DIRAS1: variants seen among roughly 807,000 people sequenced by gnomAD.
The protein encoded by DIRAS1 is GTP-binding protein Di-Ras1.
A neutral mutation model predicts 11.5 loss-of-function variants in DIRAS1; 3 were observed. The ratio of observed to expected loss-of-function variants is 0.26; its 90% confidence interval spans 0.12 to 0.67. DIRAS1 has a LOEUF of 0.67. DIRAS1 is among the 30% of genes least tolerant of loss of function. DIRAS1 has a pLI of 0.80. For synonymous variants in DIRAS1, 128 were observed against 125.8 expected, an observed-to-expected ratio of 1.02 and a Z score of -0.12; for missense variants, 212 against 285.3, an observed-to-expected ratio of 0.74 and a Z score of 1.85.
intron 1 of DIRAS1, among the ~76,000 whole-genome samples, chr19:2,719,882 G>T (rs1913914876): frequency 6.6e-6 from 1 of 152,184 alleles, no homozygotes; most frequent in South Asian, 2.1e-4. Flanking sequence ...AGTCACAAGG[G>T]CTTGGGGCCG....
rs764257970 is a variant in DIRAS1 at position 2,717,411 on chromosome 19, C to G, written c.396G>C (p.Thr132=). The G allele has an allele frequency of 6.2e-7, 1 of 1,607,772 alleles. No individual in the cohort carries two copies. Among genetic ancestry groups the G allele is most frequent in the Non-Finnish European group, 8.5e-7 (1 of 1,180,002 alleles). The change falls in exon 2 of 2, where the codon ACG becomes ACC. Residue 132 remains threonine, a synonymous_variant. Coordinates refer to ENST00000323469, the MANE Select transcript of DIRAS1 (RefSeq NM_145173.4). ...CCTGGGCCACCGCCTGCGCCTCGCGCGTGTCCACCTCCCGCTGCGTCTCAT... is the reference window on the plus strand; with the variant it reads ...CCTGGGCCACCGCCTGCGCCTCGCGGGTGTCCACCTCCCGCTGCGTCTCAT... ...KCDETQREVD[T]REAQAVAQEW...
At chr19:2,720,613 A>T (rs1220816804) in intron 1 of DIRAS1, among the ~76,000 whole-genome samples, 1 of 149,898 alleles carries the variant, frequency 6.7e-6, no homozygotes, top group South Asian at 2.3e-4. Context: ...AATCTACCCC[A>T]GCCCTGGGTC....
In DIRAS1 at chr19:2,717,158, G is replaced by T; in HGVS notation, c.*52C>A. 6.6e-7 allele frequency: 1 copy of T among 1,513,408 alleles called. No homozygotes were observed. The highest frequency in any genetic ancestry group is 8.9e-7 in the Non-Finnish European group (1 of 1,126,062). 93.7% of individuals were successfully genotyped at this position (1,513,408 alleles called of 1,614,324 possible). A position where few individuals can be genotyped will look rare whatever the true frequency, so the allele number is the denominator to read the frequency against. On this transcript the variant is annotated 3_prime_UTR_variant, in exon 2 of 2. Transcript: ENST00000323469. Reference sequence around the variant, plus strand: ...GCCGAGGAGGGTGTCGGTGTTGGGGGAGGCAGCGGGGGTCAGTGGGGGTGG... The same window carrying T: ...GCCGAGGAGGGTGTCGGTGTTGGGGTAGGCAGCGGGGGTCAGTGGGGGTGG...
chr19:2,718,602 C>T lies in DIRAS1; in HGVS notation c.-69-727G>A, dbSNP rs554123660. On this transcript the variant is annotated intron_variant, in intron 1 of 1. Coordinates refer to ENST00000323469, the MANE Select transcript of DIRAS1 (RefSeq NM_145173.4). This position sits in a 1 kb window ranked among gnomAD's most constrained non-coding sequence, Gnocchi z 4.2. ...GTGCAATGGCACAATCTTGGCTCGC[C>T]GCAACCTCCACCTCCCGGGTTCAAG... Among the ~76,000 whole-genome samples, 33 of 152,246 alleles carry T rather than the reference C, an allele frequency of 2.2e-4. 1 individual carries two copies. The highest frequency in any genetic ancestry group is 3.4e-3 in the Middle Eastern group (1 of 294).
chr19:2,716,052 C>T lies in DIRAS1; in HGVS notation c.*1158G>A, dbSNP rs925712304. The stretch of plus-strand genomic sequence containing the variant: ...CGCAGATGCACTTAGATACAAGTCA[C>T]CCATCCGCGCACCCCAGGTTGCACA... On this transcript the variant is annotated 3_prime_UTR_variant, in exon 2 of 2. Coordinates refer to ENST00000323469, the MANE Select transcript of DIRAS1 (RefSeq NM_145173.4). 2.0e-5 allele frequency: 3 copies of T among 152,340 alleles called. No homozygotes were observed. Among genetic ancestry groups the T allele is most frequent in the Non-Finnish European group, 4.4e-5 (3 of 68,104 alleles). The allele number at this position is 152,340 out of a possible 1,614,324, so 9.4% of individuals were successfully genotyped here.
In DIRAS1 at chr19:2,715,095, T is replaced by C. The variant is rs1913753304; in HGVS notation, c.*2115A>G. On this transcript the variant is annotated 3_prime_UTR_variant, in exon 2 of 2. Coordinates refer to ENST00000323469, the MANE Select transcript of DIRAS1 (RefSeq NM_145173.4). The stretch of plus-strand genomic sequence containing the variant: ...CTGGATAGCAACACACACGCACGTG[T>C]GCACACTCCCTCTCTCTGAGTGTGT... The C allele has an allele frequency of 6.6e-6, 1 of 152,254 alleles. No individual in the cohort carries two copies. The highest frequency in any genetic ancestry group is 1.5e-5 in the Non-Finnish European group (1 of 68,042). 9.4% of individuals were successfully genotyped at this position (152,254 alleles called of 1,614,324 possible). A position where few individuals can be genotyped will look rare whatever the true frequency, so the allele number is the denominator to read the frequency against.
chr19:2,717,016 G>T lies in DIRAS1; in HGVS notation c.*194C>A. 1 of 612,916 alleles carries T rather than the reference G, an allele frequency of 1.6e-6. No homozygotes were observed. The highest frequency in any genetic ancestry group is 2.8e-6 in the Non-Finnish European group (1 of 351,112). 38.0% of individuals were successfully genotyped at this position (612,916 alleles called of 1,614,324 possible). On this transcript the variant is annotated 3_prime_UTR_variant, in exon 2 of 2. Transcript: ENST00000323469. ...AGAACAGGAGGGTGGAGAGAGAGCA[G>T]GGGAGGAAGAAAAGCCCCAGCCCTG...
chr19:2,717,155 G>C lies in DIRAS1; in HGVS notation c.*55C>G, dbSNP rs1913830551. 1.3e-6 allele frequency: 2 copies of C among 1,513,380 alleles called. No individual in the cohort carries two copies. The highest frequency in any genetic ancestry group is 1.8e-6 in the Non-Finnish European group (2 of 1,124,914). The allele number at this position is 1,513,380 out of a possible 1,614,324, so 93.7% of individuals were successfully genotyped here. ...GAGGCCGAGGAGGGTGTCGGTGTTGGGGGAGGCAGCGGGGGTCAGTGGGGG... is the reference window on the plus strand; with the variant it reads ...GAGGCCGAGGAGGGTGTCGGTGTTGCGGGAGGCAGCGGGGGTCAGTGGGGG... On this transcript the variant is annotated 3_prime_UTR_variant, in exon 2 of 2. Transcript: ENST00000323469.
chr19:2,721,260 C>T (rs1208641596), intron 1 of DIRAS1, 44 bp downstream of exon 1: 3 of 149,204 alleles, frequency 2.0e-5, no homozygotes, highest in Admixed American at 1.3e-4. Context: ...GGACGGCCGG[C>T]TGGGGGCTGC....
At position 2,718,586 on chromosome 19, in the gene DIRAS1, C is replaced by G. The variant is rs576087667; in HGVS notation, c.-69-711G>C. 6.6e-6 allele frequency among the ~76,000 whole-genome samples: 1 copy of G among 152,282 alleles called. No homozygotes were observed. Among genetic ancestry groups the G allele is most frequent in the South Asian group, 2.1e-4 (1 of 4,826 alleles). ...TGCTGCCCAGGCTGGAGTGCAATGG[C>G]ACAATCTTGGCTCGCCGCAACCTCC... On this transcript the variant is annotated intron_variant, in intron 1 of 1. Transcript: ENST00000323469. The surrounding 1 kb of genome is among the most constrained non-coding windows in gnomAD (Gnocchi z 4.2).
At position 2,717,509 on chromosome 19, in the gene DIRAS1, T is replaced by C; in HGVS notation, c.298A>G (p.Ile100Val). 6.2e-7 allele frequency: 1 copy of C among 1,612,906 alleles called. No individual in the cohort carries two copies. Among genetic ancestry groups the C allele is most frequent in the Non-Finnish European group, 8.5e-7 (1 of 1,179,926 alleles). ...TTGATCTGCACGATGAGCTTGTAGA[T>C]GGGCCCCAGCTCCTCCAGCGACTGC... Reference protein sequence around the residue: ...SKQSLEELGPIYKLIVQIKGS... With the variant: ...SKQSLEELGPVYKLIVQIKGS... The change falls in exon 2 of 2, where the codon ATC becomes GTC. Residue 100 changes from isoleucine to valine, a missense_variant. Ile to Val is a conservative substitution (Grantham distance 29, BLOSUM62 3). This residue lies in a region of DIRAS1 where 128 missense variants were observed against 205.3 expected (regional missense o/e 0.62). Transcript: ENST00000323469.
At chr19:2,719,797 A>G (rs1913913191) in intron 1 of DIRAS1, among the ~76,000 whole-genome samples, 1 of 152,162 alleles carries the variant, frequency 6.6e-6, no homozygotes, top group African/African-American at 2.4e-5. Flanking sequence ...TGTTGGGGCA[A>G]GTAAGGTGAC....
rs3745811 is a variant in DIRAS1 at position 2,717,075 on chromosome 19, C to A, written c.*135G>T. 5.7e-6 allele frequency: 5 copies of A among 882,572 alleles called. No individual in the cohort carries two copies. In the African/African-American group the frequency reaches 1.0e-4, roughly 18 times the overall value. The allele number at this position is 882,572 out of a possible 1,614,324, so 54.7% of individuals were successfully genotyped here. A position where few individuals can be genotyped will look rare whatever the true frequency, so the allele number is the denominator to read the frequency against. ...TGGGCAGGGGCAGCGGAGGGGGGGGCGGTGGCCTCGGTTTCCCCAGCCGAG... is the reference window on the plus strand; with the variant it reads ...TGGGCAGGGGCAGCGGAGGGGGGGGAGGTGGCCTCGGTTTCCCCAGCCGAG... On this transcript the variant is annotated 3_prime_UTR_variant, in exon 2 of 2. Coordinates refer to ENST00000323469, the MANE Select transcript of DIRAS1 (RefSeq NM_145173.4).
rs1038392004 is a variant in DIRAS1, at chr19:2,718,830, AT to A, written c.-69-956del. On this transcript the variant is annotated intron_variant, in intron 1 of 1. Coordinates refer to ENST00000323469, the MANE Select transcript of DIRAS1 (RefSeq NM_145173.4). The surrounding 1 kb of genome is among the most constrained non-coding windows in gnomAD (Gnocchi z 4.2). ...GTGAGCCACTGCACCTGGCCTTCTT[AT>A]TTTTTTTAAAACCAAGTCTTGCTCT... 2.0e-5 allele frequency among the ~76,000 whole-genome samples: 3 copies of A among 147,160 alleles called. No individual in the cohort carries two copies. The highest frequency in any genetic ancestry group is 4.5e-5 in the Non-Finnish European group (3 of 67,170).
Position 2,717,202 on chromosome 19 carries a change from T to C in DIRAS1, c.*8A>G. ...GGGGTGGGCGGCGGGCAGGCGGGCGTTCCGGGCTCACATGAGGGTGCATTT... is the reference window on the plus strand; with the variant it reads ...GGGGTGGGCGGCGGGCAGGCGGGCGCTCCGGGCTCACATGAGGGTGCATTT... On this transcript the variant is annotated 3_prime_UTR_variant, in exon 2 of 2. Coordinates refer to ENST00000323469, the MANE Select transcript of DIRAS1 (RefSeq NM_145173.4). 2 of 1,566,916 alleles carry C rather than the reference T, an allele frequency of 1.3e-6. No homozygotes were observed. The highest frequency in any genetic ancestry group is 2.3e-5 in the East Asian group (1 of 43,918).
At chr19:2,720,774 G>A (rs1036582289) in intron 1 of DIRAS1, among the ~76,000 whole-genome samples, 1 of 152,122 alleles carries the variant, frequency 6.6e-6, no homozygotes, top group African/African-American at 2.4e-5. Context: ...GTCTGACCCA[G>A]GGCCGCCTGG....
chr19:2,719,426 T>C (rs1392595444), intron 1 of DIRAS1, among the ~76,000 whole-genome samples: 1 of 151,006 alleles, frequency 6.6e-6, no homozygotes, highest in Admixed American at 6.6e-5. Flanking sequence ...CTCTTCCTTC[T>C]TGGGCTCAGA....
At chr19:2,721,002 G>A (rs551782629) in intron 1 of DIRAS1, among the ~76,000 whole-genome samples, 2 of 150,224 alleles carry the variant, frequency 1.3e-5, no homozygotes, top group African/African-American at 2.5e-5. Context: ...GGCCCTGCCC[G>A]AGGGGACCAA....
In DIRAS1 at chr19:2,717,390, G is replaced by C; in HGVS notation, c.417C>G (p.Ala139=). 6.2e-7 allele frequency: 1 copy of C among 1,608,166 alleles called. No homozygotes were observed. Among genetic ancestry groups the C allele is most frequent in the Non-Finnish European group, 8.5e-7 (1 of 1,179,976 alleles). The change falls in exon 2 of 2, where the codon GCC becomes GCG. Residue 139 remains alanine, a synonymous_variant. Transcript: ENST00000323469. The part of the protein sequence containing the change: ...EVDTREAQAV[A]QEWKCAFMET... ...CCATGAAAGCGCACTTCCACTCCTG[G>C]GCCACCGCCTGCGCCTCGCGCGTGT...
Sources: allele counts gnomAD v4.1 joint callset (sites outside exome capture counted in the v4.1 genomes callset), GRCh38; gene constraint gnomAD v4.1.1; regional missense constraint gnomAD v4.1.1; non-coding constraint Gnocchi (gnomAD v3.1); transcripts MANE v1.5; gene names NCBI Gene and HGNC (gene_info 2026-07-23, HGNC 2026-07-21).